The following NEMP2 variants were observed in gnomAD, a reference collection of about 807,000 sequenced individuals.
NEMP2 encodes the protein nuclear envelope integral membrane protein 2, also known as UPF0571 transmembrane protein.
A neutral mutation model predicts 54.2 loss-of-function variants in NEMP2; 53 were observed. That is an observed-to-expected ratio of 0.98 (90% CI 0.78 to 1.23). The LOEUF is 1.23. Among genes scored for constraint, NEMP2 ranks in the 50% most tolerant of loss-of-function variants. NEMP2 has a pLI of 0.00. For synonymous variants in NEMP2, 197 were observed against 190.3 expected (o/e 1.04, Z -0.29); for missense variants, 455 against 511.3 (o/e 0.89, Z 1.06).
chr2:190,540,529 A>G, the NEMP2 span, among the ~76,000 whole-genome samples: 1 of 152,156 alleles, frequency 6.6e-6, no homozygotes, highest in Non-Finnish European at 1.5e-5. Flanking sequence ...GTGCTCAAGC[A>G]ATCCTCCTGC....
At chr2:190,544,360 GAATA>G in the NEMP2 span, among the ~76,000 whole-genome samples, 696 of 152,120 alleles carry the variant, frequency 4.6e-3, 10 homozygotes, top group African/African-American at 0.016. Flanking sequence ...TATAGGATTA[GAATA>G]AATATAATTT....
chr2:190,562,036 A>C, the NEMP2 span, among the ~76,000 whole-genome samples: 1 of 152,222 alleles, frequency 6.6e-6, no homozygotes, highest in African/African-American at 2.4e-5. This position sits in a 1 kb window ranked among gnomAD's most constrained non-coding sequence, Gnocchi z 5.0. Context: ...GCTAGTTTTC[A>C]AAGGGTAATT....
At chr2:190,511,053 CATAA>C (rs1375624042) in intron 7 of NEMP2, among the ~76,000 whole-genome samples, 1 of 152,144 alleles carries the variant, frequency 6.6e-6, no homozygotes, top group Non-Finnish European at 1.5e-5. Context: ...CCTGGACTAT[CATAA>C]ATAATGTCCT....
At chr2:190,475,918 A>G in the NEMP2 span, among the ~76,000 whole-genome samples, 4 of 152,174 alleles carry the variant, frequency 2.6e-5, no homozygotes, top group South Asian at 2.1e-4. Context: ...CATATCTACA[A>G]CTATCTGATC....
chr2:190,631,057 A>C, the NEMP2 span, among the ~76,000 whole-genome samples: 6 of 152,142 alleles, frequency 3.9e-5, no homozygotes, highest in African/African-American at 4.8e-5. Flanking sequence ...AAAAATGATA[A>C]TACTACTTTG....
chr2:190,539,757 A>T, the NEMP2 span, among the ~76,000 whole-genome samples: 1 of 152,074 alleles, frequency 6.6e-6, no homozygotes, highest in African/African-American at 2.4e-5. This position sits in a 1 kb window ranked among gnomAD's most constrained non-coding sequence, Gnocchi z 4.1. Flanking sequence ...TGATTTTTGT[A>T]TGTTGATTTT....
chr2:190,518,667 G>C (rs1690647825), intron 4 of NEMP2, 69 bp downstream of exon 4: 3 of 1,240,028 alleles, frequency 2.4e-6, no homozygotes, highest in South Asian at 1.5e-5. Context: ...AAAATACTTA[G>C]CATGTGGTCA....
Position 190,504,972 on chromosome 2 carries a change from TATTTC to T in NEMP2, c.*4212_*4216del, listed in dbSNP as rs1213917344. ...TCTGTATGTCTTTTCTTTCAAAGAT[TATTTC>T]ATTTTTCTAATAATTTAGTGTATCT... is the stretch of plus-strand genomic sequence containing the variant. On this transcript the variant is annotated 3_prime_UTR_variant, in exon 9 of 9. Coordinates refer to ENST00000409150, the MANE Select transcript of NEMP2 (RefSeq NM_001142645.2). This position sits in a 1 kb window ranked among gnomAD's most constrained non-coding sequence, Gnocchi z 5.6. 2.0e-5 allele frequency: 3 copies of T among 152,202 alleles called. No individual in the cohort carries two copies. Among genetic ancestry groups the T allele is most frequent in the Non-Finnish European group, 4.4e-5 (3 of 68,044 alleles). The allele number at this position is 152,202 out of a possible 1,614,324, so 9.4% of individuals were successfully genotyped here.
the NEMP2 span, chr2:190,444,926 A>G: frequency 3.8e-6 from 3 of 788,920 alleles, no homozygotes; most frequent in Non-Finnish European, 4.6e-6. Flanking sequence ...TGCACTATGT[A>G]TCTTGGTAAA....
downstream of NEMP2, chr2:190,500,507 A>C (rs768444137): frequency 6.3e-5 from 23 of 365,414 alleles, no homozygotes; most frequent in Non-Finnish European, 8.5e-5. The surrounding 1 kb of genome is among the most constrained non-coding windows in gnomAD (Gnocchi z 5.3). Context: ...TTTCTCTGCC[A>C]GTGCAGTAAG....
the NEMP2 span, among the ~76,000 whole-genome samples, chr2:190,426,870 T>C: frequency 6.6e-6 from 1 of 152,246 alleles, no homozygotes; most frequent in African/African-American, 2.4e-5. This position sits in a 1 kb window ranked among gnomAD's most constrained non-coding sequence, Gnocchi z 4.7. Context: ...TGACTTTTTC[T>C]GAAACTGCTC....
Position 190,534,578 on chromosome 2 carries a change from CG to C in NEMP2, c.77del (p.Ala26GlyfsTer14). Reference protein sequence around the residue: ...PLATLPVRGEAAAAALSVRRC... With the variant: ...PLATLPVRGEXAAAALSVRRC... ...GGTTACCTGATAACGCTGCCGCCGC[CG>C]CCTCCCCGCGCACGGGCAGTGTGGC... On this transcript the variant is annotated frameshift_variant, in exon 1 of 9. Coordinates refer to ENST00000409150, the MANE Select transcript of NEMP2 (RefSeq NM_001142645.2). LOFTEE classifies it high-confidence loss of function. 7.1e-7 allele frequency: 1 copy of C among 1,399,374 alleles called. No homozygotes were observed. The highest frequency in any genetic ancestry group is 9.2e-7 in the Non-Finnish European group (1 of 1,081,838). 86.7% of individuals were successfully genotyped at this position (1,399,374 alleles called of 1,614,324 possible).
the NEMP2 span, among the ~76,000 whole-genome samples, chr2:190,431,698 AGAGGGAGAGGGAGACTGTGGGGAGAGG>A: frequency 1.1e-5 from 1 of 92,252 alleles, no homozygotes; most frequent in African/African-American, 2.9e-5. The surrounding 1 kb of genome is among the most constrained non-coding windows in gnomAD (Gnocchi z 4.4). Flanking sequence ...CCGTGGAAAG[AGAGGGAGAGGGAGACTGTGGGGAGAGG>A]GAGGGAGAGG....
chr2:190,498,976 C>T, the NEMP2 span, among the ~76,000 whole-genome samples: 13 of 151,904 alleles, frequency 8.6e-5, no homozygotes, highest in East Asian at 1.9e-4. This position sits in a 1 kb window ranked among gnomAD's most constrained non-coding sequence, Gnocchi z 5.9. Context: ...GGTGAAACCC[C>T]GTCTCTACTA....
chr2:190,613,778 C>A, the NEMP2 span, among the ~76,000 whole-genome samples: 1 of 152,096 alleles, frequency 6.6e-6, no homozygotes, highest in South Asian at 2.1e-4. Context: ...TTAGTAGAGA[C>A]AGGATTTCAC....
chr2:190,495,764 T>C, the NEMP2 span, among the ~76,000 whole-genome samples: 9 of 152,078 alleles, frequency 5.9e-5, no homozygotes, highest in African/African-American at 2.2e-4. The surrounding 1 kb of genome is among the most constrained non-coding windows in gnomAD (Gnocchi z 4.7). Flanking sequence ...ATTCAACAAA[T>C]GGTGCTGGGA....
chr2:190,451,129 C>T, the NEMP2 span, among the ~76,000 whole-genome samples: 1 of 152,106 alleles, frequency 6.6e-6, no homozygotes, highest in African/African-American at 2.4e-5. The surrounding 1 kb of genome is among the most constrained non-coding windows in gnomAD (Gnocchi z 5.0). Flanking sequence ...CTTCTTTTTG[C>T]CAATTTGCCT....
chr2:190,497,819 G>C, the NEMP2 span: 73 of 1,380,544 alleles, frequency 5.3e-5, no homozygotes, highest in Non-Finnish European at 6.6e-5. The surrounding 1 kb of genome is among the most constrained non-coding windows in gnomAD (Gnocchi z 5.2). Flanking sequence ...AAGATTTATT[G>C]AAAGTCTGGT....
the NEMP2 span, among the ~76,000 whole-genome samples, chr2:190,558,005 T>C: frequency 6.6e-6 from 1 of 152,210 alleles, no homozygotes; most frequent in Admixed American, 6.5e-5. This position sits in a 1 kb window ranked among gnomAD's most constrained non-coding sequence, Gnocchi z 4.4. Context: ...ATCATTCTAC[T>C]ATAAAGACAC....
Sources: gnomAD v4.1 joint callset for allele counts (sites outside exome capture counted in the v4.1 genomes callset) on GRCh38, gnomAD v4.1.1 for gene constraint, Gnocchi (gnomAD v3.1) non-coding constraint, MANE v1.5 for transcripts, NCBI Gene and HGNC (gene_info 2026-07-23, HGNC 2026-07-21) for gene names.